RELN: variants seen among roughly 807,000 people sequenced by gnomAD.
The protein encoded by RELN is reelin.
Under a neutral mutation model 427.6 loss-of-function variants are expected in RELN, and 108 were observed. The ratio of observed to expected loss-of-function variants is 0.25; its 90% CI spans 0.22 to 0.30. The LOEUF is 0.30. RELN is among the 10% of genes least tolerant of loss of function. The pLI is 1.00. For missense variants in RELN, 3,715 were observed against 4,302.8 expected (o/e 0.86, Z 3.82); for synonymous variants, 1,524 against 1,513.4 (o/e 1.01, Z -0.16).
chr7:103,676,997 C>A (rs557187926), intron 11 of RELN, among the ~76,000 whole-genome samples: 3 of 150,484 alleles, frequency 2.0e-5, no homozygotes, highest in Non-Finnish European at 4.4e-5. Context: ...ATGTAACAAA[C>A]CTGCATGTTG....
rs763448876 is a variant in RELN, at chr7:103,677,133, A to C, written c.1289+4983T>G. Reference sequence around the variant, plus strand: ...TGCAGGGACACGGATGAAGCTGGAAACCATTATTCTCAGCAAACTATCACA... The same window carrying C: ...TGCAGGGACACGGATGAAGCTGGAACCCATTATTCTCAGCAAACTATCACA... On this transcript the variant is annotated intron_variant, in intron 11 of 64. Coordinates refer to ENST00000428762, the MANE Select transcript of RELN (RefSeq NM_005045.4). Among the ~76,000 whole-genome samples, 4 of 152,100 alleles carry C rather than the reference A, an allele frequency of 2.6e-5. No individual in the cohort carries two copies. The East Asian group carries it at 7.8e-4, about 29-fold the overall frequency.
At chr7:103,591,896 G>A (rs1455181173) in intron 27 of RELN, among the ~76,000 whole-genome samples, 1 of 151,860 alleles carries the variant, frequency 6.6e-6, no homozygotes. Flanking sequence ...ACCTTCTATG[G>A]ATCAGATACA....
intron 1 of RELN, among the ~76,000 whole-genome samples, chr7:103,927,995 G>A (rs1795783790): frequency 7.1e-6 from 1 of 141,636 alleles, no homozygotes; most frequent in Non-Finnish European, 1.6e-5. Context: ...GCACATATTT[G>A]GTTTTGATTT....
chr7:103,676,115 G>T (rs1257929068), intron 11 of RELN, among the ~76,000 whole-genome samples: 1 of 152,048 alleles, frequency 6.6e-6, no homozygotes, highest in East Asian at 1.9e-4. Context: ...TATAGAATGG[G>T]AGAAAATTTT....
At chr7:103,536,796 T>C (rs145421627) in intron 45 of RELN, among the ~76,000 whole-genome samples, 93 of 152,334 alleles carry the variant, frequency 6.1e-4, no homozygotes, top group African/African-American at 2.2e-3. Flanking sequence ...ACAAGTACAC[T>C]CTTGATTCAG....
intron 6 of RELN, among the ~76,000 whole-genome samples, chr7:103,734,545 T>A (rs147065789): frequency 4.6e-5 from 7 of 152,196 alleles, no homozygotes; most frequent in African/African-American, 1.7e-4. Flanking sequence ...CATTGAAAGC[T>A]TGAACTTATT....
chr7:103,918,000 T>G (rs114584662), intron 1 of RELN, among the ~76,000 whole-genome samples: 1 of 152,010 alleles, frequency 6.6e-6, no homozygotes, highest in Non-Finnish European at 1.5e-5. Flanking sequence ...CAAGGGAAGG[T>G]AATAATATTA....
intron 20 of RELN, among the ~76,000 whole-genome samples, chr7:103,629,628 AG>A (rs1309644306): frequency 1.5e-5 from 2 of 133,112 alleles, no homozygotes; most frequent in Non-Finnish European, 1.5e-5. Flanking sequence ...CTTTTTGAAG[AG>A]GTTTTTTTTT....
At chr7:103,803,307 C>T (rs559880854) in intron 3 of RELN, among the ~76,000 whole-genome samples, 1 of 152,164 alleles carries the variant, frequency 6.6e-6, no homozygotes, top group South Asian at 2.1e-4. Flanking sequence ...ATTAAAACAC[C>T]TTTATATATT....
chr7:103,486,052 T>G, intron 61 of RELN, 145 bp downstream of exon 61: 1 of 762,154 alleles, frequency 1.3e-6, no homozygotes, highest in Non-Finnish European at 2.3e-6. Context: ...CATATATGCT[T>G]CCTTGTCCCA....
chr7:103,805,022 A>T (rs529586047), intron 3 of RELN, among the ~76,000 whole-genome samples: 4 of 152,084 alleles, frequency 2.6e-5, no homozygotes, highest in African/African-American at 9.7e-5. Flanking sequence ...TATCTATTAC[A>T]TATGCATTAT....
At chr7:103,662,938 C>T (rs958952781) in intron 11 of RELN, among the ~76,000 whole-genome samples, 1 of 152,172 alleles carries the variant, frequency 6.6e-6, no homozygotes, top group African/African-American at 2.4e-5. Context: ...GGCCCAAGAA[C>T]ATTTCTAGCA....
chr7:103,962,957 A>G (rs1158335724), intron 1 of RELN, among the ~76,000 whole-genome samples: 1 of 152,140 alleles, frequency 6.6e-6, no homozygotes, highest in Non-Finnish European at 1.5e-5. Context: ...ACCCTAAGCC[A>G]GGGAAGACAC....
chr7:103,730,089 C>T (rs571785776), intron 6 of RELN, among the ~76,000 whole-genome samples: 2 of 152,044 alleles, frequency 1.3e-5, no homozygotes, highest in African/African-American at 4.8e-5. Context: ...TGTGAAATGG[C>T]TTAAGAGAAA....
intron 10 of RELN, among the ~76,000 whole-genome samples, chr7:103,683,644 C>A (rs1162180543): frequency 6.6e-6 from 1 of 152,032 alleles, no homozygotes; most frequent in African/African-American, 2.4e-5. Flanking sequence ...GCTGCCAATC[C>A]TATAAAAGTA....
At chr7:103,732,027 T>C (rs940431628) in intron 6 of RELN, among the ~76,000 whole-genome samples, 2 of 152,158 alleles carry the variant, frequency 1.3e-5, no homozygotes, top group Non-Finnish European at 2.9e-5. Flanking sequence ...CGTATGTGAC[T>C]AGTGCCTACC....
chr7:103,749,327 A>G (rs1790934460), intron 6 of RELN, 99 bp downstream of exon 6: 3 of 927,218 alleles, frequency 3.2e-6, no homozygotes, highest in South Asian at 2.6e-5. Context: ...GCTTAGCACT[A>G]AAGATCAACT....
intron 28 of RELN, among the ~76,000 whole-genome samples, chr7:103,586,479 C>T (rs1335592990): frequency 6.6e-6 from 1 of 152,148 alleles, no homozygotes; most frequent in Non-Finnish European, 1.5e-5. Context: ...TGGGACAATA[C>T]AAGGATGCTC....
chr7:103,972,950 T>C (rs1246198302), intron 1 of RELN, among the ~76,000 whole-genome samples: 5 of 150,780 alleles, frequency 3.3e-5, no homozygotes, highest in Admixed American at 6.6e-5. Flanking sequence ...AACTTTATGA[T>C]TGACACCAAA....
Sources: gnomAD v4.1 joint callset for allele counts (sites outside exome capture counted in the v4.1 genomes callset) on GRCh38, gnomAD v4.1.1 for gene constraint, MANE v1.5 for transcripts, NCBI Gene and HGNC (gene_info 2026-07-23, HGNC 2026-07-21) for gene names.